ROS1: variants seen among roughly 807,000 people sequenced by gnomAD.
ROS1 encodes ROS proto-oncogene 1, receptor tyrosine kinase, also known as proto-oncogene tyrosine-protein kinase ROS.
In ROS1, 263 loss-of-function variants were observed where a neutral mutation model predicts 273.5. The observed-to-expected ratio is 0.96, with a 90% confidence interval of 0.87 to 1.06. The LOEUF (loss-of-function observed/expected upper bound fraction) is 1.06, where lower values mean the gene tolerates loss of function less well. Among genes scored for constraint, ROS1 ranks in the 50% least tolerant of loss-of-function variants. ROS1 has a pLI of 0.00. For synonymous variants in ROS1, 1,008 were observed against 954.1 expected (o/e 1.06, Z -1.04); for missense variants, 2,833 against 2,751.1 (o/e 1.03, Z -0.67).
intron 18 of ROS1, among the ~76,000 whole-genome samples, chr6:117,372,115 C>T (rs1562328794): frequency 6.6e-6 from 1 of 152,182 alleles, no homozygotes; most frequent in African/African-American, 2.4e-5. Flanking sequence ...TAAAAGCCAT[C>T]TATGACAAAC....
At chr6:117,322,201 T>C (rs535496971) in intron 35 of ROS1, among the ~76,000 whole-genome samples, 1 of 152,218 alleles carries the variant, frequency 6.6e-6, no homozygotes, top group African/African-American at 2.4e-5. Flanking sequence ...GAAATTCAAT[T>C]TGAAGGGCTA....
At chr6:117,319,717 A>T (rs1436418937) in intron 37 of ROS1, 151 bp downstream of exon 37, 5 of 638,346 alleles carry the variant, frequency 7.8e-6, no homozygotes, top group African/African-American at 3.7e-5. Context: ...GATTTTTTTT[A>T]AATGTGATTT....
chr6:117,416,191 T>A (rs1392151058), intron 3 of ROS1, 67 bp downstream of exon 3: 4 of 955,646 alleles, frequency 4.2e-6, no homozygotes, highest in Non-Finnish European at 6.8e-6. Context: ...CAAATGGGAA[T>A]CCTCTTACAC....
At chr6:117,342,610 T>C (rs1778035775) in intron 28 of ROS1, 66 bp from the exon 29 acceptor site, 3 of 1,080,186 alleles carry the variant, frequency 2.8e-6, no homozygotes, top group African/African-American at 1.6e-5. Flanking sequence ...GTAGAAATTA[T>C]TTAATCAAAG....
At position 117,365,103 on chromosome 6, in the gene ROS1, T is replaced by C; in HGVS notation, c.3060A>G (p.Gly1020=). 1.2e-6 allele frequency: 2 copies of C among 1,613,768 alleles called. No individual in the cohort carries two copies. The highest frequency in any genetic ancestry group is 8.5e-7 in the Non-Finnish European group (1 of 1,179,734). ...NLSVTPYTYW[G]KGPKTSLSLR... is the part of the protein sequence containing the mutation. ...GTGACAGAGATGTTTTGGGGCCCTT[T>C]CCCCAGTAGGTATAAGGAGTGACAG... The change falls in exon 21 of 44, where the codon GGA becomes GGG. Residue 1020 remains glycine (G), a synonymous_variant. Coordinates refer to ENST00000368507, the MANE Select transcript of ROS1 (RefSeq NM_001378902.1).
intron 5 of ROS1, among the ~76,000 whole-genome samples, chr6:117,404,664 T>G (rs147052484): frequency 1.1e-3 from 163 of 152,344 alleles, no homozygotes; most frequent in African/African-American, 3.8e-3. Context: ...AGTATTTTTT[T>G]GTTCAGGTTT....
At chr6:117,289,136 C>G (rs537031890) in intron 43 of ROS1, among the ~76,000 whole-genome samples, 1 of 152,194 alleles carries the variant, frequency 6.6e-6, no homozygotes, top group Non-Finnish European at 1.5e-5. Context: ...CGGAGCAAGT[C>G]GTGGTCTTTG....
chr6:117,366,331 G>T, intron 18 of ROS1, 41 bp from the exon 19 acceptor site: 1 of 1,473,592 alleles, frequency 6.8e-7, no homozygotes, highest in Non-Finnish European at 9.5e-7. Flanking sequence ...TTTCTGGAGT[G>T]GTGGAAGGGC....
chr6:117,325,744 T>C (rs1776584972), intron 34 of ROS1, among the ~76,000 whole-genome samples: 1 of 152,138 alleles, frequency 6.6e-6, no homozygotes, highest in South Asian at 2.1e-4. Flanking sequence ...AAAAATCACA[T>C]ATGGCACTGA....
At position 117,403,267 on chromosome 6, in the gene ROS1, C is replaced by G; in HGVS notation, c.476G>C (p.Arg159Thr). 2.5e-6 allele frequency: 4 copies of G among 1,611,982 alleles called. No homozygotes were observed. The highest frequency in any genetic ancestry group is 3.4e-6 in the Non-Finnish European group (4 of 1,179,550). ...CAGGGGCTTGACCACATAGGACGGTCTGGACACAGTCTAGATCAAGGAGTG... is the reference window on the plus strand; with the variant it reads ...CAGGGGCTTGACCACATAGGACGGTGTGGACACAGTCTAGATCAAGGAGTG... ...GSWTYTKTVS[R>T]PSYVVKPLHP... The change falls in exon 7 of 44, where the codon AGA becomes ACA. Residue 159 changes from arginine to threonine, a missense_variant. Coordinates refer to ENST00000368507, the MANE Select transcript of ROS1 (RefSeq NM_001378902.1).
intron 6 of ROS1, among the ~76,000 whole-genome samples, 174 bp downstream of exon 6, chr6:117,404,106 G>T (rs1343185036): frequency 1.3e-5 from 2 of 152,176 alleles, no homozygotes; most frequent in South Asian, 2.1e-4. Flanking sequence ...GCGATGGCGG[G>T]CGCCTGTGGG....
At chr6:117,402,276 A>T (rs542693199) in intron 7 of ROS1, among the ~76,000 whole-genome samples, 1 of 152,126 alleles carries the variant, frequency 6.6e-6, no homozygotes, top group Admixed American at 6.5e-5. Context: ...CAGGCCACAG[A>T]TGTTCTTGCC....
chr6:117,316,699 G>A (rs1043917296), intron 39 of ROS1, among the ~76,000 whole-genome samples: 28 of 152,044 alleles, frequency 1.8e-4, no homozygotes, highest in African/African-American at 6.3e-4. Context: ...CAAGAGCTCC[G>A]TTTGGGGCAA....
chr6:117,412,877 C>G (rs1461642610), intron 4 of ROS1, among the ~76,000 whole-genome samples: 1 of 152,168 alleles, frequency 6.6e-6, no homozygotes, highest in Non-Finnish European at 1.5e-5. Flanking sequence ...ATTTTCCTGA[C>G]ACTGGTACAT....
rs766239893 is a variant in ROS1 at position 117,321,315 on chromosome 6, A to T, written c.5703T>A (p.Ala1901=). Residue 1901 remains alanine, a synonymous_variant, in exon 36 of 44, where the codon GCT becomes GCA. Transcript: ENST00000368507. ...TVLINEDKEL[A]ELRGLAAGVG... ...CTCCGGCTGCCAGACCTCGCAGCTC[A>T]GCCAACTCTTTGTCTTCGTTTATAA... The T allele has an allele frequency of 6.2e-7, 1 of 1,613,758 alleles. No individual in the cohort carries two copies. Among genetic ancestry groups the T allele is most frequent in the Non-Finnish European group, 8.5e-7 (1 of 1,179,788 alleles).
chr6:117,292,052 C>A (rs1352227866), intron 43 of ROS1, among the ~76,000 whole-genome samples: 1 of 151,826 alleles, frequency 6.6e-6, no homozygotes, highest in Non-Finnish European at 1.5e-5. Context: ...TCACTGCAAG[C>A]TCTGCCTCCC....
At chr6:117,290,219 A>AATATTTTATATTGAGGCAAAT (rs1454954328) in intron 43 of ROS1, among the ~76,000 whole-genome samples, 1 of 152,208 alleles carries the variant, frequency 6.6e-6, no homozygotes, top group African/African-American at 2.4e-5. Flanking sequence ...TCTGAAAAAT[A>AATATTTTATATTGAGGCAAAT]ATATTTTATA....
At position 117,300,974 on chromosome 6, in the gene ROS1, C is replaced by T. The variant is rs142264513; in HGVS notation, c.6715G>A (p.Gly2239Ser). The T allele has an allele frequency of 7.4e-4, 1,158 of 1,557,946 alleles. 1 individual carries two copies. Among genetic ancestry groups the T allele is most frequent in the South Asian group, 1.4e-3 (115 of 79,606 alleles). ...NSGVINESFE[G>S]EDGDVICLNS... ...GAAAATTCTGAAGAATCAAACTTACCTTCAAAGCTTTCATTTATGACTCCA... is the reference window on the plus strand; with the variant it reads ...GAAAATTCTGAAGAATCAAACTTACTTTCAAAGCTTTCATTTATGACTCCA... Residue 2239 changes from glycine to serine, a missense_variant and splice_region_variant, in exon 43 of 44, where the codon GGT becomes AGT. Gly to Ser is a moderately conservative substitution (Grantham distance 56, BLOSUM62 0). Transcript: ENST00000368507.
chr6:117,375,189 G>A (rs1262870443), intron 18 of ROS1, among the ~76,000 whole-genome samples: 1 of 152,224 alleles, frequency 6.6e-6, no homozygotes, highest in Non-Finnish European at 1.5e-5. Context: ...GAAGTAACCA[G>A]GAATGGAAAA....
Sources: allele counts gnomAD v4.1 joint callset (sites outside exome capture counted in the v4.1 genomes callset), GRCh38; gene constraint gnomAD v4.1.1; transcripts MANE v1.5; gene names NCBI Gene and HGNC (gene_info 2026-07-23, HGNC 2026-07-21).